The following LRP6 variants were observed in gnomAD, a reference collection of about 807,000 sequenced individuals.
LRP6 encodes LDL receptor related protein 6, also known as low-density lipoprotein receptor-related protein 6.
A neutral mutation model predicts 184.1 loss-of-function variants in LRP6; 43 were observed. The observed-to-expected ratio is 0.23, with a 90% CI of 0.18 to 0.30. LRP6 has a LOEUF of 0.30. Among genes scored for constraint, LRP6 ranks in the 10% least tolerant of loss-of-function variants. LRP6 has a pLI of 1.00. For synonymous variants in LRP6, 719 were observed against 684.9 expected (o/e 1.05, Z -0.78); for missense variants, 1,571 against 2,005.3 (o/e 0.78, Z 4.14).
intron 7 of LRP6, among the ~76,000 whole-genome samples, chr12:12,178,431 C>T (rs1012280894): frequency 3.3e-5 from 5 of 152,136 alleles, no homozygotes; most frequent in Admixed American, 1.3e-4. Flanking sequence ...AAATTTGGTG[C>T]ATTCCCTTAC....
intron 1 of LRP6, chr12:12,249,072 T>G: frequency 2.9e-6 from 2 of 694,054 alleles, no homozygotes; most frequent in Admixed American, 3.8e-5. Flanking sequence ...CAGAAAGGAG[T>G]AGGAGATGGC....
At chr12:12,137,756 A>G (rs995406094) in intron 16 of LRP6, among the ~76,000 whole-genome samples, 4 of 152,178 alleles carry the variant, frequency 2.6e-5, no homozygotes, top group Non-Finnish European at 5.9e-5. Flanking sequence ...TCATTGTTGT[A>G]CCAGGAAATA....
chr12:12,259,407 C>T (rs1416014513), intron 1 of LRP6, among the ~76,000 whole-genome samples: 1 of 152,122 alleles, frequency 6.6e-6, no homozygotes, highest in East Asian at 1.9e-4. Context: ...CATCCCCAAT[C>T]TCCTCCTGAA....
At chr12:12,159,286 T>C (rs1056934578) in intron 11 of LRP6, 131 bp from the exon 12 acceptor site, 16 of 709,800 alleles carry the variant, frequency 2.3e-5, no homozygotes, top group Non-Finnish European at 2.9e-5. Flanking sequence ...CAATTTAAAA[T>C]AGAAAAATTC....
intron 3 of LRP6, among the ~76,000 whole-genome samples, chr12:12,194,206 C>T (rs907641067): frequency 3.9e-5 from 6 of 151,900 alleles, no homozygotes; most frequent in African/African-American, 1.2e-4. Flanking sequence ...CTGATAAAAT[C>T]CCTTTATTAA....
Position 12,266,887 on chromosome 12 carries a change from C to CCGCG in LRP6, c.-156_-153dup. 2 of 710,314 alleles carry CCGCG rather than the reference C, an allele frequency of 2.8e-6. No individual in the cohort carries two copies. The highest frequency in any genetic ancestry group is 2.5e-6 in the Non-Finnish European group (1 of 405,150). The allele number at this position is 710,314 out of a possible 1,614,324, so 44.0% of individuals were successfully genotyped here. On this transcript the variant is annotated 5_prime_UTR_variant, in exon 1 of 23. It removes the in-frame stop codon of an upstream open reading frame in the 5' UTR. Transcript: ENST00000261349. ...AGAAAGAAAGGGGCACGTCAAGGTT[C>CCGCG]CGCGCGCGCCGCCGCCGCCCTCTCT...
At chr12:12,141,180 G>T (rs1591878410) in intron 15 of LRP6, among the ~76,000 whole-genome samples, 1 of 151,898 alleles carries the variant, frequency 6.6e-6, no homozygotes. Flanking sequence ...GATGAGAAAG[G>T]GGAAGAGGAA....
At chr12:12,162,493 T>G (rs1415916947) in intron 9 of LRP6, 74 bp from the exon 10 acceptor site, 30 of 1,317,406 alleles carry the variant, frequency 2.3e-5, no homozygotes, top group Non-Finnish European at 2.1e-5. Flanking sequence ...TTTGGTTTGG[T>G]TTTTGTCAGG....
intron 3 of LRP6, among the ~76,000 whole-genome samples, chr12:12,192,077 G>A (rs1591931575): frequency 6.6e-6 from 1 of 151,852 alleles, no homozygotes; most frequent in Non-Finnish European, 1.5e-5. Flanking sequence ...ACATAAGATT[G>A]TATAAAGCAA....
At chr12:12,141,367 A>G (rs960213595) in intron 15 of LRP6, among the ~76,000 whole-genome samples, 2 of 152,310 alleles carry the variant, frequency 1.3e-5, no homozygotes, top group African/African-American at 4.8e-5. Context: ...AAACTTCCCA[A>G]TGACACAAGA....
intron 2 of LRP6, among the ~76,000 whole-genome samples, chr12:12,229,681 G>A (rs2135888555): frequency 6.6e-6 from 1 of 152,292 alleles, no homozygotes; most frequent in South Asian, 2.1e-4. Context: ...GCTTTTATCA[G>A]CAACATATTT....
intron 19 of LRP6, 148 bp from the exon 20 acceptor site, chr12:12,127,069 C>A: frequency 1.4e-6 from 1 of 697,200 alleles, no homozygotes; most frequent in Non-Finnish European, 2.6e-6. Context: ...TGAGTACATA[C>A]ATACCACGCC....
intron 2 of LRP6, among the ~76,000 whole-genome samples, chr12:12,223,176 GAAA>G (rs35090683): frequency 2.6e-5 from 3 of 115,222 alleles, no homozygotes; most frequent in Admixed American, 8.6e-5. Flanking sequence ...CATTTCATCA[GAAA>G]AAAAAAAAAA....
intron 2 of LRP6, among the ~76,000 whole-genome samples, chr12:12,217,842 A>G (rs1864388845): frequency 6.6e-6 from 1 of 152,250 alleles, no homozygotes; most frequent in African/African-American, 2.4e-5. Flanking sequence ...ATGCAAAACA[A>G]TGAAGCTGGA....
intron 15 of LRP6, among the ~76,000 whole-genome samples, chr12:12,141,794 TAGAA>T (rs1949937659): frequency 1.3e-5 from 2 of 152,216 alleles, no homozygotes; most frequent in African/African-American, 2.4e-5. Context: ...AAAAAAGTTT[TAGAA>T]AGAAATGTAC....
chr12:12,142,779 T>C (rs941852947), intron 15 of LRP6, among the ~76,000 whole-genome samples: 1 of 152,174 alleles, frequency 6.6e-6, no homozygotes, highest in Non-Finnish European at 1.5e-5. Context: ...CTAGATTTTA[T>C]TTATCCCAGT....
intron 2 of LRP6, among the ~76,000 whole-genome samples, chr12:12,214,714 A>T (rs1421067791): frequency 6.6e-6 from 1 of 152,130 alleles, no homozygotes; most frequent in East Asian, 1.9e-4. Context: ...TGGTTGGGGG[A>T]ATATGGAATG....
intron 12 of LRP6, among the ~76,000 whole-genome samples, chr12:12,152,122 C>T (rs979877496): frequency 6.6e-6 from 1 of 152,068 alleles, no homozygotes; most frequent in Non-Finnish European, 1.5e-5. Flanking sequence ...CGGTCTTCCC[C>T]GTGCTGTTCC....
Position 12,158,926 on chromosome 12 carries a change from C to G in LRP6, c.2694G>C (p.Gly898=), listed in dbSNP as rs1477047321. Residue 898 remains glycine (G), a synonymous_variant, in exon 12 of 23, where the codon GGG becomes GGC. Transcript: ENST00000261349. ...SGWNECASSN[G]HCSHLCLAVP... Reference sequence around the variant, plus strand: ...CAGCCAAGCAGAGGTGGGAGCAGTGCCCATTGCTGGAAGCACATTCATTCC... The same window carrying G: ...CAGCCAAGCAGAGGTGGGAGCAGTGGCCATTGCTGGAAGCACATTCATTCC... 5.6e-6 allele frequency: 9 copies of G among 1,614,074 alleles called. No homozygotes were observed. Among genetic ancestry groups the G allele is most frequent in the Non-Finnish European group, 7.6e-6 (9 of 1,180,028 alleles).
Sources: gnomAD v4.1 joint callset for allele counts (sites outside exome capture counted in the v4.1 genomes callset) on GRCh38, gnomAD v4.1.1 for gene constraint, MANE v1.5 for transcripts, NCBI Gene and HGNC (gene_info 2026-07-23, HGNC 2026-07-21) for gene names.